FAM117A: variants seen among roughly 807,000 people sequenced by gnomAD.
FAM117A encodes the protein protein FAM117A.
FAM117A carries 21 observed loss-of-function variants against 44.1 expected under a neutral mutation model. The observed-to-expected ratio is 0.48, with a 90% confidence interval of 0.34 to 0.69. FAM117A has a LOEUF of 0.69. FAM117A is among the 30% of genes least tolerant of loss of function. FAM117A has a pLI of 0.01. For missense variants in FAM117A, 498 were observed against 589.9 expected (o/e 0.84, Z 1.61); for synonymous variants, 220 against 238.3 (o/e 0.92, Z 0.71).
At chr17:49,776,109 G>A (rs62076768) in intron 1 of FAM117A, among the ~76,000 whole-genome samples, 77 of 152,144 alleles carry the variant, frequency 5.1e-4, no homozygotes, top group Admixed American at 9.8e-4. Context: ...TGATGTAACC[G>A]GCCATGTGCC....
At chr17:49,753,176 G>A (rs1023395777) in intron 1 of FAM117A, among the ~76,000 whole-genome samples, 1 of 152,032 alleles carries the variant, frequency 6.6e-6, no homozygotes, top group African/African-American at 2.4e-5. Context: ...ATTCTCTTTT[G>A]CTTAGCTTAA....
At chr17:49,767,624 G>T (rs1435403737), upstream of FAM117A, among the ~76,000 whole-genome samples, 1 of 152,236 alleles carries the variant, frequency 6.6e-6, no homozygotes, top group African/African-American at 2.4e-5. Context: ...TAGAGGATTG[G>T]CTGGGTGTGG....
At chr17:49,726,072 G>A (rs993044674) in intron 2 of FAM117A, among the ~76,000 whole-genome samples, 7 of 152,166 alleles carry the variant, frequency 4.6e-5, no homozygotes, top group African/African-American at 1.7e-4. Flanking sequence ...ACAGAACTTG[G>A]ACTTCTGGTC....
upstream of FAM117A, among the ~76,000 whole-genome samples, chr17:49,768,445 T>C (rs895512826): frequency 1.6e-4 from 24 of 152,196 alleles, no homozygotes; most frequent in African/African-American, 5.5e-4. Context: ...CCTTGGTACC[T>C]GGAAGACGGT....
chr17:49,718,779 G>C lies in FAM117A; in HGVS notation c.708+981C>G, dbSNP rs992858605. 2.9e-5 allele frequency among the ~76,000 whole-genome samples: 4 copies of C among 138,656 alleles called. No homozygotes were observed. In the South Asian group the frequency reaches 9.2e-4, roughly 32 times the overall value. 91.0% of individuals were successfully genotyped at this position (138,656 alleles called of 152,430 possible). ...GGGTGGATCATGAGGTCAGGAGATC[G>C]AGGCCATCCTGGCCAACATGGTGAA... On this transcript the variant is annotated intron_variant, in intron 5 of 7. Transcript: ENST00000240364.
chr17:49,753,586 C>A (rs1240604898), intron 1 of FAM117A, among the ~76,000 whole-genome samples: 1 of 152,146 alleles, frequency 6.6e-6, no homozygotes, highest in Non-Finnish European at 1.5e-5. Context: ...GAGGCTGGGG[C>A]GGTTGGACCA....
intron 6 of FAM117A, among the ~76,000 whole-genome samples, chr17:49,716,703 T>G (rs1026402888): frequency 1.3e-5 from 2 of 152,198 alleles, no homozygotes; most frequent in Non-Finnish European, 2.9e-5. Context: ...GTCCACAGTC[T>G]TGAAAATCTA....
At chr17:49,730,887 G>T (rs565635218) in intron 2 of FAM117A, among the ~76,000 whole-genome samples, 1 of 152,178 alleles carries the variant, frequency 6.6e-6, no homozygotes, top group East Asian at 1.9e-4. Flanking sequence ...TTCAAGGTGG[G>T]GTATTCCCAT....
intron 1 of FAM117A, among the ~76,000 whole-genome samples, chr17:49,772,201 G>T (rs770243596): frequency 6.6e-6 from 1 of 151,952 alleles, no homozygotes; most frequent in Non-Finnish European, 1.5e-5. Flanking sequence ...GCTGAGGTGG[G>T]AGGATTGCTT....
At chr17:49,781,310 C>A (rs766087357) in intron 1 of FAM117A, among the ~76,000 whole-genome samples, 5 of 152,104 alleles carry the variant, frequency 3.3e-5, no homozygotes, top group Non-Finnish European at 7.4e-5. Flanking sequence ...GAAATAAAAT[C>A]GAAAGCACAT....
intron 2 of FAM117A, among the ~76,000 whole-genome samples, chr17:49,728,719 C>A (rs1000431021): frequency 6.6e-6 from 1 of 152,230 alleles, no homozygotes; most frequent in Non-Finnish European, 1.5e-5. Flanking sequence ...GCATGTACTG[C>A]CCTCACCCAC....
chr17:49,741,602 A>ATCCTG (rs936716927), intron 1 of FAM117A, among the ~76,000 whole-genome samples: 39 of 152,286 alleles, frequency 2.6e-4, no homozygotes, highest in Admixed American at 8.5e-4. Flanking sequence ...GGAGGAACAG[A>ATCCTG]TCCTGTCCTG....
intron 1 of FAM117A, among the ~76,000 whole-genome samples, chr17:49,740,529 G>A (rs1030020348): frequency 4.6e-5 from 7 of 152,288 alleles, no homozygotes; most frequent in Admixed American, 6.5e-5. Context: ...GATTACAGGC[G>A]TGAGCCACTG....
intron 1 of FAM117A, among the ~76,000 whole-genome samples, chr17:49,744,034 T>A (rs1296072986): frequency 1.3e-5 from 2 of 152,166 alleles, no homozygotes; most frequent in Admixed American, 6.5e-5. Flanking sequence ...AACTTTCGGA[T>A]AATCAAAATA....
upstream of FAM117A, chr17:49,765,798 A>G (rs1198000027): frequency 6.6e-6 from 1 of 152,248 alleles, no homozygotes; most frequent in Non-Finnish European, 1.5e-5. Context: ...GAAAAAAGAT[A>G]TCTTGCATTT....
intron 1 of FAM117A, among the ~76,000 whole-genome samples, chr17:49,734,112 C>T (rs2073599476): frequency 1.4e-5 from 2 of 145,964 alleles, no homozygotes; most frequent in African/African-American, 5.1e-5. Flanking sequence ...CACTGCTCTC[C>T]AGCCTGGACA....
chr17:49,729,864 TC>T (rs2143727991), intron 2 of FAM117A, among the ~76,000 whole-genome samples: 1 of 152,256 alleles, frequency 6.6e-6, no homozygotes, highest in African/African-American at 2.4e-5. Flanking sequence ...CCTGCCACCC[TC>T]CCTTCCCTCT....
intron 1 of FAM117A, among the ~76,000 whole-genome samples, chr17:49,736,018 A>C (rs2073608741): frequency 6.6e-6 from 1 of 152,210 alleles, no homozygotes; most frequent in South Asian, 2.1e-4. Flanking sequence ...CTCAACTCTC[A>C]ACACCCAGAG....
chr17:49,731,037 A>G (rs1267231666), intron 2 of FAM117A, among the ~76,000 whole-genome samples: 1 of 152,228 alleles, frequency 6.6e-6, no homozygotes, highest in Non-Finnish European at 1.5e-5. Context: ...CTTCATTCCA[A>G]CATGCCAAGA....
Sources: gnomAD v4.1 joint callset for allele counts (sites outside exome capture counted in the v4.1 genomes callset) on GRCh38, gnomAD v4.1.1 for gene constraint, MANE v1.5 for transcripts, NCBI Gene and HGNC (gene_info 2026-07-23, HGNC 2026-07-21) for gene names.